PCK1: variants seen among roughly 807,000 people sequenced by gnomAD.
PCK1 encodes phosphoenolpyruvate carboxykinase, cytosolic [GTP].
Under a neutral mutation model 50.3 loss-of-function variants are expected in PCK1, and 44 were observed. That is an observed-to-expected ratio of 0.87 (90% CI 0.69 to 1.12). The LOEUF (loss-of-function observed/expected upper bound fraction) is 1.12, where lower values mean the gene tolerates loss of function less well. Ranked by LOEUF, PCK1 falls within the 50% of genes most tolerant of loss-of-function variation. The probability of loss-of-function intolerance (pLI) is 0.00; values close to 1 mark genes in which losing one functional copy is unlikely to be tolerated. For synonymous variants in PCK1, 332 were observed against 314.3 expected (o/e 1.06, Z -0.59); for missense variants, 790 against 815.0 (o/e 0.97, Z 0.37).
intron 2 of PCK1, 140 bp downstream of exon 2, chr20:57,561,775 C>A: frequency 1.6e-6 from 1 of 641,594 alleles, no homozygotes; most frequent in Admixed American, 2.8e-5. Flanking sequence ...TGGTCAGAAC[C>A]ATACAGACTT....
In PCK1 at chr20:57,563,638, C is replaced by T; in HGVS notation, c.872C>T (p.Thr291Ile). Residue 291 changes from threonine (T) to isoleucine (I), a missense_variant, in exon 6 of 10, where the codon ACC (threonine) becomes ATC (isoleucine). Physicochemically the swap from Thr to Ile is moderately conservative, Grantham distance 89. Coordinates refer to ENST00000319441, the MANE Select transcript of PCK1 (RefSeq NM_002591.4). ...GCATTTCCCAGCGCCTGCGGGAAGA[C>T]CAACCTGGCCATGATGAACCCCAGC... Reference protein sequence around the residue: ...AAAFPSACGKTNLAMMNPSLP... With the variant: ...AAAFPSACGKINLAMMNPSLP... 2 of 1,612,968 alleles carry T rather than the reference C, an allele frequency of 1.2e-6. No homozygotes were observed. The highest frequency in any genetic ancestry group is 1.7e-6 in the Non-Finnish European group (2 of 1,178,988).
Position 57,565,834 on chromosome 20 carries a change from C to A in PCK1, c.*30C>A, listed in dbSNP as rs754132347. On this transcript the variant is annotated 3_prime_UTR_variant, in exon 10 of 10. Transcript: ENST00000319441. ...GGCCTGAGTGCTTTACCTTTAAAAT[C>A]ATTCCCTTTCCCATCCATAAGGTGC... 2 of 1,512,206 alleles carry A rather than the reference C, an allele frequency of 1.3e-6. No homozygotes were observed. The highest frequency in any genetic ancestry group is 1.8e-6 in the Non-Finnish European group (2 of 1,114,342). 93.7% of individuals were successfully genotyped at this position (1,512,206 alleles called of 1,614,324 possible).
At position 57,563,633 on chromosome 20, in the gene PCK1, G is replaced by A. The variant is rs1398348324; in HGVS notation, c.867G>A (p.Gly289=). 6.2e-7 allele frequency: 1 copy of A among 1,613,706 alleles called. No homozygotes were observed. Among genetic ancestry groups the A allele is most frequent in the East Asian group, 2.2e-5 (1 of 44,866 alleles). ...YLAAAFPSAC[G]KTNLAMMNPS... ...CGGCCGCATTTCCCAGCGCCTGCGG[G>A]AAGACCAACCTGGCCATGATGAACC... The change falls in exon 6 of 10, where the codon GGG becomes GGA. Residue 289 remains glycine, a synonymous_variant. Transcript: ENST00000319441.
rs536299130 is a variant in PCK1 at position 57,562,129 on chromosome 20, G to A, written c.283G>A (p.Val95Ile). 2.7e-5 allele frequency: 44 copies of A among 1,614,154 alleles called. No individual in the cohort carries two copies. The highest frequency in any genetic ancestry group is 3.3e-5 in the South Asian group (3 of 91,084). Residue 95 changes from valine (V) to isoleucine (I), a missense_variant, in exon 3 of 10, where the codon GTC (valine) becomes ATC (isoleucine). Coordinates refer to ENST00000319441, the MANE Select transcript of PCK1 (RefSeq NM_002591.4). ...CAGGATCGAAAGCAAGACGGTTATCGTCACCCAAGAGCAAAGAGACACAGT... is the reference window on the plus strand; with the variant it reads ...CAGGATCGAAAGCAAGACGGTTATCATCACCCAAGAGCAAAGAGACACAGT... ...VARIESKTVI[V>I]TQEQRDTVPI...
rs368269624 is a variant in PCK1, at chr20:57,562,785, G to C, written c.496G>C (p.Val166Leu). Reference protein sequence around the residue: ...IGIELTDSPYVVASMRIMTRM... With the variant: ...IGIELTDSPYLVASMRIMTRM... ...CATCGAGCTGACGGATTCACCCTAC[G>C]TGGTGGCCAGCATGCGGATCATGAC... The change falls in exon 4 of 10, where the codon GTG (valine) becomes CTG (leucine). Residue 166 changes from valine to leucine, a missense_variant. Coordinates refer to ENST00000319441, the MANE Select transcript of PCK1 (RefSeq NM_002591.4). 6.2e-7 allele frequency: 1 copy of C among 1,614,042 alleles called. No individual in the cohort carries two copies. Among genetic ancestry groups the C allele is most frequent in the South Asian group, 1.1e-5 (1 of 91,080 alleles).
At chr20:57,562,641 C>A in intron 3 of PCK1, 55 bp from the exon 4 acceptor site, 1 of 1,456,808 alleles carries the variant, frequency 6.9e-7, no homozygotes. Context: ...AAATGCTGGT[C>A]GTGTTCGAAG....
chr20:57,565,742 G>A lies in PCK1; in HGVS notation c.1807G>A (p.Asp603Asn), dbSNP rs375658003. 42 of 1,613,496 alleles carry A rather than the reference G, an allele frequency of 2.6e-5. No individual in the cohort carries two copies. Among genetic ancestry groups the A allele is most frequent in the Admixed American group, 5.0e-5 (3 of 59,988 alleles). Residue 603 changes from aspartate (D) to asparagine (N), a missense_variant, in exon 10 of 10, where the codon GAC (aspartate) becomes AAC (asparagine). Asp to Asn is a conservative substitution (Grantham distance 23). Transcript: ENST00000319441. The stretch of plus-strand genomic sequence containing the variant: ...GTATCTGGAGGATCAAGTCAATGCC[G>A]ACCTCCCCTGTGAAATCGAGAGAGA... ...EKYLEDQVNA[D>N]LPCEIEREIL...
chr20:57,565,666 T>A lies in PCK1; in HGVS notation c.1731T>A (p.Leu577=). The A allele has an allele frequency of 6.2e-7, 1 of 1,614,000 alleles. No individual in the cohort carries two copies. Residue 577 remains leucine (L), a synonymous_variant, in exon 10 of 10, where the codon CTT becomes CTA. Coordinates refer to ENST00000319441, the MANE Select transcript of PCK1 (RefSeq NM_002591.4). The part of the protein sequence containing the change: ...KGLGHINMME[L]FSISKEFWEK... The stretch of plus-strand genomic sequence containing the variant: ...TGGGGCACATCAACATGATGGAGCT[T>A]TTCAGCATCTCCAAGGAATTCTGGG...
At position 57,561,630 on chromosome 20, in the gene PCK1, C is replaced by G. The variant is rs1221803831; in HGVS notation, c.219C>G (p.Asp73Glu). ...TCCTCAGGCGGCTGAAGAAGTATGA[C>G]AACTGGTAAGCTCGGCCCCCGCTGC... ...EGILRRLKKY[D>E]NCWLALTDPR... Residue 73 changes from aspartate to glutamate, a missense_variant, in exon 2 of 10, where the codon GAC becomes GAG. Coordinates refer to ENST00000319441, the MANE Select transcript of PCK1 (RefSeq NM_002591.4). The G allele has an allele frequency of 1.9e-6, 3 of 1,607,818 alleles. No individual in the cohort carries two copies. The highest frequency in any genetic ancestry group is 2.6e-6 in the Non-Finnish European group (3 of 1,176,012).
At position 57,565,564 on chromosome 20, in the gene PCK1, G is replaced by C. The variant is rs1600708692; in HGVS notation, c.1629G>C (p.Arg543=). The C allele has an allele frequency of 6.2e-7, 1 of 1,614,144 alleles. No individual in the cohort carries two copies. The highest frequency in any genetic ancestry group is 8.5e-7 in the Non-Finnish European group (1 of 1,180,010). The change falls in exon 10 of 10, where the codon CGG becomes CGC. Residue 543 remains arginine (R), a synonymous_variant. Transcript: ENST00000319441. ...NSRVLEWMFN[R]IDGKASTKLT... ...GGGTGCTGGAGTGGATGTTCAACCG[G>C]ATCGATGGAAAAGCCAGCACCAAGC...
rs376452415 is a variant in PCK1, at chr20:57,562,094, G to C, written c.248G>C (p.Arg83Thr). The C allele has an allele frequency of 9.3e-6, 15 of 1,614,194 alleles. No homozygotes were observed. In the African/African-American group the frequency reaches 1.7e-4, roughly 19 times the overall value. ...DNCWLALTDP[R>T]DVARIESKTV... ...AGCTGGTTGGCTCTCACTGACCCCA[G>C]GGATGTGGCCAGGATCGAAAGCAAG... is the stretch of plus-strand genomic sequence containing the variant. The change falls in exon 3 of 10, where the codon AGG (arginine) becomes ACG (threonine). Residue 83 changes from arginine (R) to threonine (T), a missense_variant. Arg to Thr is a moderately conservative substitution (Grantham distance 71). Coordinates refer to ENST00000319441, the MANE Select transcript of PCK1 (RefSeq NM_002591.4).
rs941981224 is a variant in PCK1, at chr20:57,561,329, CTGT to C, written c.-40-35_-40-33del. The C allele has an allele frequency of 5.9e-5, 49 of 831,506 alleles. 1 individual carries two copies. Among genetic ancestry groups the C allele is most frequent in the South Asian group, 2.0e-4 (13 of 64,740 alleles). 51.5% of individuals were successfully genotyped at this position (831,506 alleles called of 1,614,324 possible). A position where few individuals can be genotyped will look rare whatever the true frequency, so the allele number is the denominator to read the frequency against. ...GGCCGTCGAATGTGTTTGAAGGTGTCTGTTGTTGTTTTTGTTCAGGACGCTTGC... is the reference window on the plus strand; with the variant it reads ...GGCCGTCGAATGTGTTTGAAGGTGTCTGTTGTTTTTGTTCAGGACGCTTGC... On this transcript the variant is annotated intron_variant, in intron 1 of 9. Coordinates refer to ENST00000319441, the MANE Select transcript of PCK1 (RefSeq NM_002591.4).
rs2146531171 is a variant in PCK1, at chr20:57,565,576, A to G, written c.1641A>G (p.Lys547=). The G allele has an allele frequency of 6.2e-7, 1 of 1,614,150 alleles. No individual in the cohort carries two copies. Among genetic ancestry groups the G allele is most frequent in the East Asian group, 2.2e-5 (1 of 44,888 alleles). Residue 547 remains lysine, a synonymous_variant, in exon 10 of 10, where the codon AAA becomes AAG. Transcript: ENST00000319441. ...LEWMFNRIDG[K]ASTKLTPIGY... is the part of the protein sequence containing the mutation. ...GGATGTTCAACCGGATCGATGGAAA[A>G]GCCAGCACCAAGCTCACGCCCATAG...
chr20:57,563,231 G>GC lies in PCK1; in HGVS notation c.798+19dup. ...GCACATGCTGGTGAGCCTGCAGGAAGCCCTGATGTGCAGATGAGAGGCCTG... is the reference window on the plus strand; with the variant it reads ...GCACATGCTGGTGAGCCTGCAGGAAGCCCCTGATGTGCAGATGAGAGGCCTG... On this transcript the variant is annotated intron_variant, in intron 5 of 9. Transcript: ENST00000319441. The GC allele has an allele frequency of 6.2e-7, 1 of 1,611,364 alleles. No homozygotes were observed. The highest frequency in any genetic ancestry group is 8.5e-7 in the Non-Finnish European group (1 of 1,178,924).
chr20:57,562,784 C>A lies in PCK1; in HGVS notation c.495C>A (p.Tyr165Ter). The A allele has an allele frequency of 5.0e-6, 8 of 1,613,972 alleles. No individual in the cohort carries two copies. The highest frequency in any genetic ancestry group is 6.8e-6 in the Non-Finnish European group (8 of 1,179,804). Reference protein sequence around the residue: ...KIGIELTDSPYVVASMRIMTR... With the variant: ...KIGIELTDSP The stretch of plus-strand genomic sequence containing the variant: ...GCATCGAGCTGACGGATTCACCCTA[C>A]GTGGTGGCCAGCATGCGGATCATGA... Residue 165 changes from tyrosine (Y) to a stop codon, truncating the protein, a stop_gained, in exon 4 of 10, where the codon TAC becomes TAA. Transcript: ENST00000319441. LOFTEE classifies it high-confidence loss of function.
In PCK1 at chr20:57,561,181, G is replaced by A. The variant is rs1176249351; in HGVS notation, c.-63G>A. Reference sequence around the variant, plus strand: ...GAAAGAAACCTGTGGATCTCCCTTCGAGATCATCCAAAGAGAAGAAAGGTA... The same window carrying A: ...GAAAGAAACCTGTGGATCTCCCTTCAAGATCATCCAAAGAGAAGAAAGGTA... On this transcript the variant is annotated 5_prime_UTR_variant, in exon 1 of 10. Coordinates refer to ENST00000319441, the MANE Select transcript of PCK1 (RefSeq NM_002591.4). The A allele has an allele frequency of 7.3e-6, 3 of 411,410 alleles. No individual in the cohort carries two copies. The highest frequency in any genetic ancestry group is 4.0e-5 in the Admixed American group (1 of 24,768). 25.5% of individuals were successfully genotyped at this position (411,410 alleles called of 1,614,324 possible).
chr20:57,563,299 G>A, intron 5 of PCK1, 84 bp downstream of exon 5: 2 of 1,275,604 alleles, frequency 1.6e-6, no homozygotes, highest in Admixed American at 1.8e-5. Flanking sequence ...CCACCCGTCA[G>A]CACACCTCTC....
chr20:57,565,692 A>G lies in PCK1; in HGVS notation c.1757A>G (p.Glu586Gly), dbSNP rs201347603. Residue 586 changes from glutamate to glycine, a missense_variant, in exon 10 of 10, where the codon GAG (glutamate) becomes GGG (glycine). By Grantham distance (98) the Glu-to-Gly change is moderately conservative (BLOSUM62 -2). Transcript: ENST00000319441. ...TTCAGCATCTCCAAGGAATTCTGGG[A>G]GAAGGAGGTGGAAGACATCGAGAAG... The part of the protein sequence containing the change: ...ELFSISKEFW[E>G]KEVEDIEKYL... The G allele has an allele frequency of 6.2e-7, 1 of 1,613,924 alleles. No homozygotes were observed. Among genetic ancestry groups the G allele is most frequent in the East Asian group, 2.2e-5 (1 of 44,886 alleles).
Position 57,561,517 on chromosome 20 carries a change from G to A in PCK1, c.106G>A (p.Glu36Lys), listed in dbSNP as rs762929030. The change falls in exon 2 of 10, where the codon GAG becomes AAG. Residue 36 changes from glutamate (E) to lysine (K), a missense_variant. By Grantham distance (56) the Glu-to-Lys change is moderately conservative. Coordinates refer to ENST00000319441, the MANE Select transcript of PCK1 (RefSeq NM_002591.4). ...GAGGGAGTTTCTCGAGAATAACGCT[G>A]AGCTGTGTCAGCCTGATCACATCCA... Reference protein sequence around the residue: ...AVREFLENNAELCQPDHIHIC... With the variant: ...AVREFLENNAKLCQPDHIHIC... The A allele has an allele frequency of 8.7e-6, 14 of 1,613,842 alleles. No homozygotes were observed. In the South Asian group the frequency reaches 1.4e-4, roughly 16 times the overall value.
Sources: allele counts gnomAD v4.1 joint callset, GRCh38; gene constraint gnomAD v4.1.1; transcripts MANE v1.5; gene names NCBI Gene and HGNC (gene_info 2026-07-23, HGNC 2026-07-21).